USP13: variants seen among roughly 807,000 people sequenced by gnomAD.
USP13 encodes ubiquitin carboxyl-terminal hydrolase 13.
Under a neutral mutation model 107.8 loss-of-function variants are expected in USP13, and 68 were observed. The observed-to-expected ratio is 0.63, with a 90% CI of 0.52 to 0.77. The LOEUF (loss-of-function observed/expected upper bound fraction) is 0.77, where lower values mean the gene tolerates loss of function less well. Among genes scored for constraint, USP13 ranks in the 30% least tolerant of loss-of-function variants. The pLI is 0.00. For missense variants in USP13, 945 were observed against 1,093.3 expected (o/e 0.86, Z 1.91); for synonymous variants, 377 against 389.5 (o/e 0.97, Z 0.38).
In USP13 at chr3:179,682,020, C is replaced by G. The variant is rs374567088; in HGVS notation, c.294+17C>G. On this transcript the variant is annotated intron_variant, in intron 2 of 20. Coordinates refer to ENST00000263966, the MANE Select transcript of USP13 (RefSeq NM_003940.3). ...GTGCGAGAGGTGAGAGCGGCACTTTCAGAGAACTGGCCTTGATGTCTTCCC... is the reference window on the plus strand; with the variant it reads ...GTGCGAGAGGTGAGAGCGGCACTTTGAGAGAACTGGCCTTGATGTCTTCCC... The G allele has an allele frequency of 6.2e-7, 1 of 1,608,882 alleles. No individual in the cohort carries two copies. The highest frequency in any genetic ancestry group is 8.5e-7 in the Non-Finnish European group (1 of 1,176,928).
intron 3 of USP13, among the ~76,000 whole-genome samples, chr3:179,692,930 T>C (rs1374430563): frequency 6.6e-6 from 1 of 152,204 alleles, no homozygotes; most frequent in Non-Finnish European, 1.5e-5. Context: ...CCTACCATTT[T>C]GTTTCAGTGA....
intron 8 of USP13, among the ~76,000 whole-genome samples, chr3:179,724,233 A>T (rs1713431924): frequency 6.6e-6 from 1 of 151,958 alleles, no homozygotes; most frequent in African/African-American, 2.4e-5. Context: ...CGAGGTGGAC[A>T]GATCACCTGA....
intron 3 of USP13, among the ~76,000 whole-genome samples, chr3:179,694,808 A>C (rs987663450): frequency 6.6e-6 from 1 of 150,580 alleles, no homozygotes; most frequent in African/African-American, 2.5e-5. Flanking sequence ...TCAAAAAAAA[A>C]AAAAAAAAAA....
At chr3:179,760,307 G>A (rs577625716) in intron 16 of USP13, among the ~76,000 whole-genome samples, 29 of 134,092 alleles carry the variant, frequency 2.2e-4, no homozygotes, top group African/African-American at 5.4e-4. Context: ...TTTTTGAGAC[G>A]GAGTCTCACT....
intron 19 of USP13, among the ~76,000 whole-genome samples, chr3:179,766,591 A>C (rs575048960): frequency 6.6e-6 from 1 of 152,242 alleles, no homozygotes; most frequent in African/African-American, 2.4e-5. Context: ...AAGAGGCGCC[A>C]TAGGCCGTTG....
At position 179,754,758 on chromosome 3, in the gene USP13, C is replaced by T; in HGVS notation, c.1825C>T (p.Leu609Phe). 1 of 1,613,582 alleles carries T rather than the reference C, an allele frequency of 6.2e-7. No individual in the cohort carries two copies. The highest frequency in any genetic ancestry group is 8.5e-7 in the Non-Finnish European group (1 of 1,179,834). The change falls in exon 15 of 21, where the codon CTT becomes TTT. Residue 609 changes from leucine to phenylalanine, a missense_variant. Physicochemically the swap from Leu to Phe is conservative, Grantham distance 22. Coordinates refer to ENST00000263966, the MANE Select transcript of USP13 (RefSeq NM_003940.3). ...FDVSIDMPDL[L>F]DINHLRARGL... ...TGTTTCTATTGATATGCCAGACCTA[C>T]TTGATATCAACCATCTCCGAGCCAG... is the stretch of plus-strand genomic sequence containing the variant.
At chr3:179,674,091 C>G (rs1028416443) in intron 1 of USP13, among the ~76,000 whole-genome samples, 1 of 152,084 alleles carries the variant, frequency 6.6e-6, no homozygotes, top group Non-Finnish European at 1.5e-5. Flanking sequence ...CGGGGTTTCT[C>G]CATGTTGGCC....
At position 179,730,126 on chromosome 3, in the gene USP13, G is replaced by T. The variant is rs145715056; in HGVS notation, c.1089-63G>T. 8.0e-4 allele frequency: 1,174 copies of T among 1,468,588 alleles called. 8 individuals carry two copies. In the African/African-American group the frequency reaches 0.014, roughly 18 times the overall value. 91.0% of individuals were successfully genotyped at this position (1,468,588 alleles called of 1,614,324 possible). A position where few individuals can be genotyped will look rare whatever the true frequency, so the allele number is the denominator to read the frequency against. Reference sequence around the variant, plus strand: ...GAAGGTCTTAGCAAGAATTTTGATGGCTTGTTTTGGTTCTGTTCTTCTTGC... The same window carrying T: ...GAAGGTCTTAGCAAGAATTTTGATGTCTTGTTTTGGTTCTGTTCTTCTTGC... On this transcript the variant is annotated intron_variant, in intron 8 of 20. Transcript: ENST00000263966.
chr3:179,727,661 C>A (rs1359373004), intron 8 of USP13, among the ~76,000 whole-genome samples: 2 of 78,342 alleles, frequency 2.6e-5, no homozygotes, highest in East Asian at 4.5e-4. Flanking sequence ...CATCATGGCC[C>A]GTTCTCAATG....
chr3:179,777,829 A>G (rs17195969), intron 19 of USP13, among the ~76,000 whole-genome samples: 11,227 of 152,204 alleles, frequency 0.074, 466 homozygotes, highest in Non-Finnish European at 0.094. Context: ...CTTAAATTTA[A>G]GATTAGGAAT....
chr3:179,655,221 C>T (rs1720215991), intron 1 of USP13, among the ~76,000 whole-genome samples: 1 of 152,168 alleles, frequency 6.6e-6, no homozygotes, highest in Non-Finnish European at 1.5e-5. Flanking sequence ...GGCTCTTCTT[C>T]AAGTTCTGCT....
At chr3:179,752,246 T>C (rs1714638619) in intron 13 of USP13, 39 bp from the exon 14 acceptor site, 4 of 1,564,820 alleles carry the variant, frequency 2.6e-6, no homozygotes, top group Non-Finnish European at 2.6e-6. Context: ...ACAATTCTTA[T>C]TGCCTTGTTT....
intron 19 of USP13, among the ~76,000 whole-genome samples, chr3:179,776,185 A>G (rs1358882221): frequency 6.6e-6 from 1 of 152,094 alleles, no homozygotes; most frequent in Non-Finnish European, 1.5e-5. Context: ...TTTTTTCTCT[A>G]ATGAACCAGA....
In USP13 at chr3:179,742,594, T is replaced by C. The variant is rs1714243812; in HGVS notation, c.1534+244T>C. Among the ~76,000 whole-genome samples the C allele has an allele frequency of 6.6e-6, 1 of 152,204 alleles. No individual in the cohort carries two copies. Among genetic ancestry groups the C allele is most frequent in the African/African-American group, 2.4e-5 (1 of 41,450 alleles). ...GGAACCTACGTCACTGCCTATAAAT[T>C]TGGCCAACTACTGAATATGGAGTCA... On this transcript the variant is annotated intron_variant, in intron 12 of 20. Coordinates refer to ENST00000263966, the MANE Select transcript of USP13 (RefSeq NM_003940.3). This position sits in a 1 kb window ranked among gnomAD's most constrained non-coding sequence, Gnocchi z 5.0.
intron 3 of USP13, among the ~76,000 whole-genome samples, chr3:179,692,323 G>T (rs1391309805): frequency 6.6e-6 from 1 of 152,236 alleles, no homozygotes; most frequent in Non-Finnish European, 1.5e-5. Context: ...GAAAACTGTT[G>T]TGGAGCTGAG....
chr3:179,658,402 C>G (rs1720351677), intron 1 of USP13, among the ~76,000 whole-genome samples: 1 of 152,120 alleles, frequency 6.6e-6, no homozygotes, highest in Admixed American at 6.5e-5. Context: ...CGGTTCTAGT[C>G]TGTCCTCATA....
chr3:179,682,976 T>G, intron 2 of USP13, among the ~76,000 whole-genome samples: 1 of 152,122 alleles, frequency 6.6e-6, no homozygotes, highest in Non-Finnish European at 1.5e-5. Context: ...CACCAACCCT[T>G]GGTCAGAGTT....
At chr3:179,718,523 A>G (rs1313192278) in intron 6 of USP13, among the ~76,000 whole-genome samples, 2 of 152,072 alleles carry the variant, frequency 1.3e-5, no homozygotes, top group Non-Finnish European at 2.9e-5. Flanking sequence ...GAGTTAGACT[A>G]CCTGGGTTCT....
At chr3:179,730,834 C>A in intron 10 of USP13, 125 bp downstream of exon 10, 2 of 817,500 alleles carry the variant, frequency 2.4e-6, no homozygotes, top group Non-Finnish European at 3.9e-6. Flanking sequence ...AATGTCATTT[C>A]AGTGTCTAGG....
Sources: gnomAD v4.1 joint callset for allele counts (sites outside exome capture counted in the v4.1 genomes callset) on GRCh38, gnomAD v4.1.1 for gene constraint, Gnocchi (gnomAD v3.1) non-coding constraint, MANE v1.5 for transcripts, NCBI Gene and HGNC (gene_info 2026-07-23, HGNC 2026-07-21) for gene names.